Variants in DPP8 observed in about 807,000 individuals in gnomAD.
DPP8 encodes the protein DPP VIII.
A neutral mutation model predicts 107.5 loss-of-function variants in DPP8; 31 were observed. That is an observed-to-expected ratio of 0.29 (90% CI 0.22 to 0.39). The LOEUF (loss-of-function observed/expected upper bound fraction) is 0.39. DPP8 is among the 10% of genes least tolerant of loss of function. DPP8 has a pLI of 1.00. For synonymous variants in DPP8, 381 were observed against 356.6 expected (o/e 1.07, Z -0.77); for missense variants, 842 against 1,076.1 (o/e 0.78, Z 3.04).
chr15:65,450,281 T>G lies in DPP8; in HGVS notation c.2526+718A>C, dbSNP rs185569373. Among the ~76,000 whole-genome samples, 16 of 152,254 alleles carry G rather than the reference T, an allele frequency of 1.1e-4. No homozygotes were observed. In the East Asian group the frequency reaches 3.1e-3, roughly 29 times the overall value. On this transcript the variant is annotated intron_variant, in intron 19 of 19. Transcript: ENST00000300141. ...CTGTGCCGGGCTGATAGTTTATTAT[T>G]TTAAAATATTTAAAAATTTTCTCAG... is the stretch of plus-strand genomic sequence containing the variant.
chr15:65,515,580 T>C (rs2071350012), intron 1 of DPP8: 7 of 1,292,008 alleles, frequency 5.4e-6, no homozygotes, highest in Admixed American at 3.7e-5. Flanking sequence ...ATAGGGTCAG[T>C]GTACCTTCTC....
rs2140361137 is a variant in DPP8, at chr15:65,454,408, A to G, written c.2126T>C (p.Ile709Thr). The change falls in exon 17 of 20, where the codon ATA becomes ACA. Residue 709 changes from isoleucine (I) to threonine (T), a missense_variant. Physicochemically the swap from Ile to Thr is moderately conservative, Grantham distance 89. Transcript: ENST00000300141. The stretch of plus-strand genomic sequence containing the variant: ...TCCTTCCACCTGATCGTCAATTTCT[A>G]TTTGACCCTGTCAAAAAAGGGAGAA... Reference protein sequence around the residue: ...EGAFKYKMGQIEIDDQVEGLQ... With the variant: ...EGAFKYKMGQTEIDDQVEGLQ... 1.3e-6 allele frequency: 2 copies of G among 1,592,388 alleles called. No homozygotes were observed. Among genetic ancestry groups the G allele is most frequent in the East Asian group, 2.3e-5 (1 of 43,184 alleles).
At chr15:65,494,163 T>TTTTTTTTTTTTTTAAA (rs3985661) in intron 5 of DPP8, among the ~76,000 whole-genome samples, 1 of 148,714 alleles carries the variant, frequency 6.7e-6, no homozygotes, top group African/African-American at 2.5e-5. Flanking sequence ...TTTTTTTTTT[T>TTTTTTTTTTTTTTAAA]AGAGACAGGG....
At chr15:65,468,581 TC>T (rs1252931413) in intron 12 of DPP8, among the ~76,000 whole-genome samples, 1 of 152,054 alleles carries the variant, frequency 6.6e-6, no homozygotes, top group African/African-American at 2.4e-5. Flanking sequence ...ATGCCTTTTT[TC>T]CCCCCAGGAA....
At chr15:65,509,375 A>G (rs1022016974) in intron 2 of DPP8, among the ~76,000 whole-genome samples, 2 of 152,132 alleles carry the variant, frequency 1.3e-5, no homozygotes, top group Non-Finnish European at 2.9e-5. Flanking sequence ...CCCTCCCTAT[A>G]TGCTCCTAGT....
Position 65,466,152 on chromosome 15 carries a change from T to C in DPP8, c.1825+526A>G, listed in dbSNP as rs78237667. ...ACTATTTTAATCTTATTTTCTTTATTTGTTGAGACAAGGTCTTGCTTTGTC... is the reference window on the plus strand; with the variant it reads ...ACTATTTTAATCTTATTTTCTTTATCTGTTGAGACAAGGTCTTGCTTTGTC... On this transcript the variant is annotated intron_variant, in intron 14 of 19. Coordinates refer to ENST00000300141, the MANE Select transcript of DPP8 (RefSeq NM_130434.5). 3.1e-3 allele frequency among the ~76,000 whole-genome samples: 469 copies of C among 152,284 alleles called. 1 individual carries two copies. Among genetic ancestry groups the C allele is most frequent in the African/African-American group, 0.011 (451 of 41,560 alleles).
At chr15:65,511,810 G>A (rs1481111970) in intron 2 of DPP8, among the ~76,000 whole-genome samples, 1 of 151,866 alleles carries the variant, frequency 6.6e-6, no homozygotes, top group African/African-American at 2.4e-5. Context: ...TTTGGAGGAG[G>A]GGAAGGAACC....
intron 2 of DPP8, 167 bp downstream of exon 2, chr15:65,512,125 AGTT>A (rs2070865019): frequency 1.3e-6 from 1 of 753,556 alleles, no homozygotes. Flanking sequence ...GTAAAAATAA[AGTT>A]AATGCGATAC....
intron 7 of DPP8, among the ~76,000 whole-genome samples, chr15:65,486,147 T>TA (rs1305953159): frequency 6.8e-6 from 1 of 147,430 alleles, no homozygotes; most frequent in Non-Finnish European, 1.5e-5. Context: ...CTCAGGCCTG[T>TA]AACCCCAGCA....
At chr15:65,501,533 T>C (rs1596094918) in intron 3 of DPP8, among the ~76,000 whole-genome samples, 1 of 152,350 alleles carries the variant, frequency 6.6e-6, no homozygotes, top group East Asian at 1.9e-4. Flanking sequence ...TTCAAAATAG[T>C]AATAAATCAT....
At chr15:65,461,507 G>A (rs1428875602) in intron 15 of DPP8, among the ~76,000 whole-genome samples, 1 of 151,956 alleles carries the variant, frequency 6.6e-6, no homozygotes, top group Non-Finnish European at 1.5e-5. Flanking sequence ...CACTGGGAGG[G>A]GAAAATCTTC....
chr15:65,454,051 T>G (rs2064194351), intron 17 of DPP8, among the ~76,000 whole-genome samples: 1 of 146,938 alleles, frequency 6.8e-6, no homozygotes, highest in Admixed American at 7.0e-5. Context: ...GACATGAGAA[T>G]CACTTGAACC....
At chr15:65,506,797 A>C (rs1281727276) in intron 3 of DPP8, among the ~76,000 whole-genome samples, 1 of 150,870 alleles carries the variant, frequency 6.6e-6, no homozygotes, top group African/African-American at 2.4e-5. Flanking sequence ...ATATTGGGGG[A>C]AATAAAACCC....
At chr15:65,514,911 A>T (rs1177156682) in intron 1 of DPP8, among the ~76,000 whole-genome samples, 1 of 152,244 alleles carries the variant, frequency 6.6e-6, no homozygotes, top group Non-Finnish European at 1.5e-5. Context: ...TACGTTTGGA[A>T]GTTCACCTGC....
At chr15:65,508,223 G>C (rs1209012419) in intron 2 of DPP8, among the ~76,000 whole-genome samples, 3 of 150,504 alleles carry the variant, frequency 2.0e-5, no homozygotes, top group Non-Finnish European at 3.0e-5. Context: ...CTGGGCAACA[G>C]AGCAAGACTC....
intron 12 of DPP8, among the ~76,000 whole-genome samples, chr15:65,468,181 T>C (rs2065525840): frequency 6.6e-6 from 1 of 152,154 alleles, no homozygotes; most frequent in African/African-American, 2.4e-5. Context: ...ATAAATCTTC[T>C]ACCAGCCAAC....
Position 65,507,287 on chromosome 15 carries a change from C to T in DPP8, c.328G>A (p.Ala110Thr), listed in dbSNP as rs995299551. ...SEIPKTINRA[A>T]VLMLSWKPLL... ...GGCTTCCAAGAGAGCATTAAGACTG[C>T]TGCTCTATTGATAGTTTTGGGAATT... is the stretch of plus-strand genomic sequence containing the variant. The change falls in exon 3 of 20, where the codon GCA (alanine) becomes ACA (threonine). Residue 110 changes from alanine to threonine, a missense_variant. This residue lies in a region of DPP8 where 663 missense variants were observed against 758.0 expected (regional missense o/e 0.87). Transcript: ENST00000300141. 2 of 1,611,712 alleles carry T rather than the reference C, an allele frequency of 1.2e-6. No individual in the cohort carries two copies.
At chr15:65,502,057 T>C (rs540368314) in intron 3 of DPP8, among the ~76,000 whole-genome samples, 1 of 152,196 alleles carries the variant, frequency 6.6e-6, no homozygotes, top group Admixed American at 6.5e-5. Context: ...GCCCAGCTAA[T>C]ATTTTGCATT....
intron 15 of DPP8, among the ~76,000 whole-genome samples, chr15:65,462,916 C>T (rs902363569): frequency 7.2e-5 from 11 of 152,100 alleles, no homozygotes. Flanking sequence ...ATTTACTTAA[C>T]AGTCATTGGC....
Sources: allele counts gnomAD v4.1 joint callset (sites outside exome capture counted in the v4.1 genomes callset), GRCh38; gene constraint gnomAD v4.1.1; regional missense constraint gnomAD v4.1.1; transcripts MANE v1.5; gene names NCBI Gene and HGNC (gene_info 2026-07-23, HGNC 2026-07-21).